The following AKAP19 variants were observed in gnomAD, a reference collection of about 807,000 sequenced individuals.
The protein encoded by AKAP19 is A-kinase anchoring protein 19, also known as small A-kinase anchoring protein.
the AKAP19 span, among the ~76,000 whole-genome samples, chr2:190,033,384 T>A: frequency 6.6e-6 from 1 of 152,158 alleles, no homozygotes; most frequent in South Asian, 2.1e-4. Flanking sequence ...ATCTTAAACG[T>A]GTCTGCGTAT....
the AKAP19 span, among the ~76,000 whole-genome samples, chr2:189,993,469 C>T: frequency 7.2e-5 from 11 of 151,864 alleles, no homozygotes; most frequent in African/African-American, 2.2e-4. Flanking sequence ...TTTCTTTTTT[C>T]GTTATGTCCT....
the AKAP19 span, among the ~76,000 whole-genome samples, chr2:189,910,188 C>T: frequency 1.1e-4 from 16 of 152,086 alleles, no homozygotes; most frequent in East Asian, 2.7e-3. Flanking sequence ...TACTTTAGAG[C>T]AAACATTAAA....
the AKAP19 span, among the ~76,000 whole-genome samples, chr2:190,038,738 C>G: frequency 6.6e-6 from 1 of 152,146 alleles, no homozygotes; most frequent in Non-Finnish European, 1.5e-5. Context: ...GGGAAACAAG[C>G]CTTAGCCCCG....
At chr2:190,087,529 AT>A in the AKAP19 span, among the ~76,000 whole-genome samples, 1 of 152,170 alleles carries the variant, frequency 6.6e-6, no homozygotes, top group African/African-American at 2.4e-5. Flanking sequence ...GGACACAGAT[AT>A]TCTCACTCTG....
chr2:190,022,236 C>T, the AKAP19 span, among the ~76,000 whole-genome samples: 1,733 of 152,172 alleles, frequency 0.011, 33 homozygotes, highest in African/African-American at 0.04. Flanking sequence ...CCATAGCAGA[C>T]CTCTTACACT....
the AKAP19 span, chr2:190,055,871 A>G: frequency 6.6e-6 from 1 of 152,244 alleles, no homozygotes; most frequent in Non-Finnish European, 1.5e-5. Context: ...AAATTATAAA[A>G]TAAAAGTAAC....
At chr2:190,004,141 G>A in the AKAP19 span, among the ~76,000 whole-genome samples, 14 of 141,108 alleles carry the variant, frequency 9.9e-5, no homozygotes, top group African/African-American at 2.8e-4. Flanking sequence ...GGGGAGGGGG[G>A]AGGGATAGCT....
chr2:190,052,816 T>G, the AKAP19 span, among the ~76,000 whole-genome samples: 2 of 152,290 alleles, frequency 1.3e-5, no homozygotes, highest in Middle Eastern at 3.4e-3. Flanking sequence ...ATAAATTGAG[T>G]CAAATATAGC....
the AKAP19 span, among the ~76,000 whole-genome samples, chr2:190,115,168 TGA>T: frequency 7.8e-6 from 1 of 128,572 alleles, no homozygotes; most frequent in Non-Finnish European, 1.7e-5. Context: ...TGTGTGTGTG[TGA>T]GGGGGAGAGA....
the AKAP19 span, among the ~76,000 whole-genome samples, chr2:190,119,416 C>A: frequency 6.6e-6 from 1 of 152,244 alleles, no homozygotes; most frequent in Non-Finnish European, 1.5e-5. Flanking sequence ...CACGTAGCCC[C>A]CAGAAAAAAC....
the AKAP19 span, among the ~76,000 whole-genome samples, chr2:189,977,608 A>G: frequency 2.6e-5 from 4 of 152,186 alleles, no homozygotes; most frequent in Admixed American, 2.6e-4. Context: ...CTGGATTTAG[A>G]AGATAAATTT....
the AKAP19 span, among the ~76,000 whole-genome samples, chr2:189,923,041 C>T: frequency 1.3e-5 from 2 of 152,136 alleles, no homozygotes; most frequent in African/African-American, 4.8e-5. Context: ...GTCCCAGCTA[C>T]TCAGGAGGCT....
chr2:190,106,338 A>T, the AKAP19 span, among the ~76,000 whole-genome samples: 2 of 152,222 alleles, frequency 1.3e-5, no homozygotes, highest in Non-Finnish European at 2.9e-5. Flanking sequence ...TCAGCCTTGT[A>T]AAATATATTC....
chr2:189,924,925 T>G, the AKAP19 span, among the ~76,000 whole-genome samples: 1 of 152,186 alleles, frequency 6.6e-6, no homozygotes, highest in South Asian at 2.1e-4. Context: ...AGCTTCATTA[T>G]GGTATGAGTT....
At chr2:190,181,536 G>A in the AKAP19 span, 1 of 152,190 alleles carries the variant, frequency 6.6e-6, no homozygotes. Context: ...GAATATTGAG[G>A]TGAAATGATG....
the AKAP19 span, among the ~76,000 whole-genome samples, chr2:189,927,405 A>G: frequency 6.6e-6 from 1 of 152,228 alleles, no homozygotes; most frequent in Admixed American, 6.5e-5. Context: ...TCACATTTCA[A>G]GAACAAAGTG....
the AKAP19 span, among the ~76,000 whole-genome samples, chr2:190,064,744 C>G: frequency 6.6e-6 from 1 of 152,024 alleles, no homozygotes; most frequent in African/African-American, 2.4e-5. Flanking sequence ...TCATAGCTGC[C>G]AATTATCAGT....
the AKAP19 span, chr2:190,199,742 G>A: frequency 3.4e-5 from 51 of 1,506,084 alleles, no homozygotes; most frequent in South Asian, 5.7e-4. Context: ...ATTGATTACT[G>A]AAGTGCCCTG....
At chr2:190,180,305 C>T in the AKAP19 span, among the ~76,000 whole-genome samples, 1 of 152,166 alleles carries the variant, frequency 6.6e-6, no homozygotes, top group Admixed American at 6.5e-5. The surrounding 1 kb of genome is among the most constrained non-coding windows in gnomAD (Gnocchi z 6.8). Flanking sequence ...GGCTGCGGGG[C>T]CCCCTGCAGG....
Sources: allele counts gnomAD v4.1 joint callset (sites outside exome capture counted in the v4.1 genomes callset), GRCh38; gene constraint gnomAD v4.1.1; non-coding constraint Gnocchi (gnomAD v3.1); transcripts MANE v1.5; gene names NCBI Gene and HGNC (gene_info 2026-07-23, HGNC 2026-07-21).